The following B3GALT1 variants were observed in gnomAD, a reference collection of about 807,000 sequenced individuals.
The protein encoded by B3GALT1 is beta-1,3-galactosyltransferase 1.
A neutral mutation model predicts 23.2 loss-of-function variants in B3GALT1; 10 were observed. The observed-to-expected ratio is 0.43, with a 90% CI of 0.27 to 0.73. B3GALT1 has a LOEUF of 0.73. B3GALT1 is among the 30% of genes least tolerant of loss of function. The pLI, the probability that B3GALT1 is intolerant of heterozygous loss-of-function variation, is 0.21. For synonymous variants in B3GALT1, 156 were observed against 141.5 expected (o/e 1.10, Z -0.73); for missense variants, 299 against 405.4 (o/e 0.74, Z 2.25).
At chr2:167,521,880 A>G (rs932466536) in intron 2 of B3GALT1, among the ~76,000 whole-genome samples, 1 of 151,068 alleles carries the variant, frequency 6.6e-6, no homozygotes, top group Non-Finnish European at 1.5e-5. Context: ...CCTCAAAATC[A>G]TACATATATT....
At chr2:167,380,999 G>GGCATGC (rs1697840454) in intron 1 of B3GALT1, among the ~76,000 whole-genome samples, 1 of 152,038 alleles carries the variant, frequency 6.6e-6, no homozygotes, top group African/African-American at 2.4e-5. Flanking sequence ...AAGTGGTTGA[G>GGCATGC]GCATGCTGAA....
At chr2:167,581,331 T>A (rs1684480284) in intron 2 of B3GALT1, among the ~76,000 whole-genome samples, 1 of 152,206 alleles carries the variant, frequency 6.6e-6, no homozygotes, top group Admixed American at 6.5e-5. Context: ...AATGTTAAAG[T>A]GTAATGTGCC....
intron 2 of B3GALT1, among the ~76,000 whole-genome samples, chr2:167,644,846 A>G (rs1451107926): frequency 6.7e-6 from 1 of 149,542 alleles, no homozygotes; most frequent in Non-Finnish European, 1.5e-5. Flanking sequence ...TTCCTAATAG[A>G]TTTTCTTTTG....
At chr2:167,361,830 T>C (rs1697504020) in intron 1 of B3GALT1, among the ~76,000 whole-genome samples, 1 of 152,158 alleles carries the variant, frequency 6.6e-6, no homozygotes, top group South Asian at 2.1e-4. Context: ...TCCCAGTACT[T>C]TGGGAGACCG....
intron 2 of B3GALT1, among the ~76,000 whole-genome samples, chr2:167,547,693 C>CAAAA (rs71031296): frequency 5.3e-5 from 4 of 75,504 alleles, no homozygotes; most frequent in African/African-American, 7.5e-5. Context: ...GACTCTGTCT[C>CAAAA]AAAAAAAAAA....
rs1339679385 is a variant in B3GALT1, at chr2:167,293,007, A to G, written c.-838A>G. Among the ~76,000 whole-genome samples, 1 of 152,014 alleles carries G rather than the reference A, an allele frequency of 6.6e-6. No individual in the cohort carries two copies. Among genetic ancestry groups the G allele is most frequent in the South Asian group, 2.1e-4 (1 of 4,838 alleles). On this transcript the variant is annotated 5_prime_UTR_variant, in exon 1 of 5. Coordinates refer to ENST00000392690, the MANE Select transcript of B3GALT1 (RefSeq NM_020981.4). Reference sequence around the variant, plus strand: ...GTTGTCAGTCGCCGAGGCCAGAGCCATCGCCGGGGAAGCGCAGCCGGGCTC... The same window carrying G: ...GTTGTCAGTCGCCGAGGCCAGAGCCGTCGCCGGGGAAGCGCAGCCGGGCTC...
intron 1 of B3GALT1, among the ~76,000 whole-genome samples, chr2:167,463,399 C>A (rs1181603474): frequency 6.6e-6 from 1 of 152,032 alleles, no homozygotes; most frequent in African/African-American, 2.4e-5. Context: ...CACTAATAGC[C>A]TGTATTGTTT....
chr2:167,622,496 C>T (rs1405818798), intron 2 of B3GALT1, among the ~76,000 whole-genome samples: 1 of 152,030 alleles, frequency 6.6e-6, no homozygotes, highest in Non-Finnish European at 1.5e-5. Context: ...CCGAATTAAC[C>T]AACCTACAGA....
At chr2:167,695,595 T>C (rs1173881068) in intron 3 of B3GALT1, among the ~76,000 whole-genome samples, 1 of 152,156 alleles carries the variant, frequency 6.6e-6, no homozygotes, top group East Asian at 1.9e-4. Flanking sequence ...ACCCTTAGCT[T>C]TCATTTTCTT....
chr2:167,515,342 A>G lies in B3GALT1; in HGVS notation c.-410+25065A>G, dbSNP rs559844232. ...TCACTATGCTTAAGGCCAATCAAGC[A>G]TCCTTCAAGAAACAAATACTTCAGA... On this transcript the variant is annotated intron_variant, in intron 2 of 4. Transcript: ENST00000392690. Among the ~76,000 whole-genome samples, 4 of 152,296 alleles carry G rather than the reference A, an allele frequency of 2.6e-5. No individual in the cohort carries two copies. In the South Asian group the frequency reaches 8.3e-4, roughly 32 times the overall value.
intron 2 of B3GALT1, among the ~76,000 whole-genome samples, chr2:167,493,460 GA>G (rs1316584683): frequency 4.6e-5 from 7 of 151,970 alleles, no homozygotes; most frequent in Admixed American, 4.6e-4. Context: ...TATAATTTAA[GA>G]AAAAAATAGG....
At chr2:167,487,549 A>G (rs1177236106) in intron 1 of B3GALT1, among the ~76,000 whole-genome samples, 2 of 152,218 alleles carry the variant, frequency 1.3e-5, no homozygotes, top group African/African-American at 4.8e-5. Context: ...TCATGTTAAT[A>G]GTATTCTTTT....
At chr2:167,429,582 A>G (rs1288461138) in intron 1 of B3GALT1, among the ~76,000 whole-genome samples, 1 of 152,158 alleles carries the variant, frequency 6.6e-6, no homozygotes, top group Non-Finnish European at 1.5e-5. Context: ...TTTTTATTTA[A>G]AAGAAAAAAT....
intron 3 of B3GALT1, among the ~76,000 whole-genome samples, chr2:167,743,726 A>G (rs540510388): frequency 1.3e-5 from 2 of 152,166 alleles, no homozygotes; most frequent in East Asian, 1.9e-4. Flanking sequence ...CTGTTAATCA[A>G]TCTGGGCACC....
In B3GALT1 at chr2:167,300,552, A is replaced by G. The variant is rs371231735; in HGVS notation, c.-511+7218A>G. On this transcript the variant is annotated intron_variant, in intron 1 of 4. Transcript: ENST00000392690. ...GCACTTTCAAGTATTTAAAGGTATT[A>G]CGAGTGATGATTAACATGCAGACAA... is the stretch of plus-strand genomic sequence containing the variant. 3.3e-5 allele frequency among the ~76,000 whole-genome samples: 5 copies of G among 152,346 alleles called. No homozygotes were observed. The East Asian group carries it at 9.6e-4, about 29-fold the overall frequency.
chr2:167,453,143 C>T (rs1455107887), intron 1 of B3GALT1, among the ~76,000 whole-genome samples: 1 of 152,150 alleles, frequency 6.6e-6, no homozygotes, highest in Non-Finnish European at 1.5e-5. Flanking sequence ...CACAGAATCA[C>T]AAGAGAAGGA....
chr2:167,400,128 C>G (rs1361700298), intron 1 of B3GALT1, among the ~76,000 whole-genome samples: 1 of 149,904 alleles, frequency 6.7e-6, no homozygotes, highest in African/African-American at 2.5e-5. Flanking sequence ...GTAAGATTTT[C>G]TCTTTCTTCT....
intron 3 of B3GALT1, among the ~76,000 whole-genome samples, chr2:167,727,005 A>G (rs1350375125): frequency 6.6e-6 from 1 of 152,230 alleles, no homozygotes; most frequent in Non-Finnish European, 1.5e-5. Flanking sequence ...TATGTCATGA[A>G]AAACCTTTGA....
chr2:167,633,339 T>C (rs1437180215), intron 2 of B3GALT1, among the ~76,000 whole-genome samples: 1 of 151,910 alleles, frequency 6.6e-6, no homozygotes, highest in African/African-American at 2.4e-5. Flanking sequence ...GTAAATGGGC[T>C]AAATGCCCCA....
Sources: gnomAD v4.1 joint callset for allele counts (sites outside exome capture counted in the v4.1 genomes callset) on GRCh38, gnomAD v4.1.1 for gene constraint, MANE v1.5 for transcripts, NCBI Gene and HGNC (gene_info 2026-07-23, HGNC 2026-07-21) for gene names.